Variants in ETFA observed in about 807,000 individuals in gnomAD.
ETFA encodes electron transfer flavoprotein subunit alpha, mitochondrial.
ETFA carries 22 observed loss-of-function variants against 46.2 expected under a neutral mutation model. The ratio of observed to expected loss-of-function variants is 0.48; its 90% CI spans 0.34 to 0.68. The LOEUF is 0.68. Ranked by LOEUF, ETFA falls within the 30% of genes least tolerant of loss-of-function variation. ETFA has a pLI of 0.01. For missense variants in ETFA, 345 were observed against 401.1 expected (o/e 0.86, Z 1.19); for synonymous variants, 131 against 139.9 (o/e 0.94, Z 0.45).
intron 4 of ETFA, among the ~76,000 whole-genome samples, chr15:76,291,839 CAGAG>C (rs1034796801): frequency 1.3e-5 from 2 of 152,066 alleles, no homozygotes; most frequent in African/African-American, 4.8e-5. Context: ...CCCACGGCCA[CAGAG>C]AGAGAGCAAG....
intron 9 of ETFA, chr15:76,261,445 T>C (rs997721004): frequency 5.5e-5 from 58 of 1,056,648 alleles, no homozygotes; most frequent in East Asian, 4.4e-4. Context: ...GAACCAGTTC[T>C]GGACCACAGA....
chr15:76,274,643 T>A (rs2039575320), intron 8 of ETFA, 149 bp from the exon 9 acceptor site: 1 of 713,584 alleles, frequency 1.4e-6, no homozygotes, highest in Non-Finnish European at 2.5e-6. Context: ...AACTTCTTTT[T>A]ATACCCAAGT....
rs557160401 is a variant in ETFA, at chr15:76,311,369, G to A, written c.20C>T (p.Pro7Leu). The change falls in exon 1 of 12, where the codon CCG becomes CTG. Residue 7 changes from proline (P) to leucine (L), a missense_variant. By Grantham distance (98) the Pro-to-Leu change is moderately conservative (BLOSUM62 -3). Transcript: ENST00000557943. ...ACTCACCGCCCGCCGGAGCTGCCCC[G>A]GAGCCGCCGCTCGGAACATGGTCTC... Reference protein sequence around the residue: MFRAAAPGQLRRAASLL... With the variant: MFRAAALGQLRRAASLL... The A allele has an allele frequency of 4.1e-4, 642 of 1,562,322 alleles. No individual in the cohort carries two copies. Among genetic ancestry groups the A allele is most frequent in the Non-Finnish European group, 5.3e-4 (612 of 1,154,142 alleles).
At chr15:76,225,244 A>G (rs1468848524) in intron 11 of ETFA, among the ~76,000 whole-genome samples, 1 of 152,136 alleles carries the variant, frequency 6.6e-6, no homozygotes, top group Non-Finnish European at 1.5e-5. Context: ...CACATTGTGC[A>G]TTAACTTAGC....
chr15:76,291,557 T>C (rs915134213), intron 4 of ETFA, among the ~76,000 whole-genome samples: 3 of 150,812 alleles, frequency 2.0e-5, no homozygotes, highest in East Asian at 3.9e-4. Context: ...AAGACCATCC[T>C]GGCTAACACA....
At chr15:76,239,828 A>G (rs867085164) in intron 9 of ETFA, among the ~76,000 whole-genome samples, 5 of 151,966 alleles carry the variant, frequency 3.3e-5, no homozygotes, top group Non-Finnish European at 7.4e-5. Context: ...AGCTAACATT[A>G]GCTTTTACTC....
chr15:76,226,342 T>C (rs2039004371), intron 10 of ETFA: 2 of 194,016 alleles, frequency 1.0e-5, no homozygotes, highest in South Asian at 1.8e-4. Context: ...CCCAGCACTT[T>C]GGGAGGCCAA....
intron 7 of ETFA, among the ~76,000 whole-genome samples, chr15:76,284,075 C>T (rs943616798): frequency 3.9e-5 from 6 of 152,152 alleles, no homozygotes; most frequent in African/African-American, 1.4e-4. Context: ...AATAAAAACT[C>T]TTTAATTTCA....
chr15:76,254,706 A>C (rs1356199068), intron 9 of ETFA, among the ~76,000 whole-genome samples: 2 of 151,962 alleles, frequency 1.3e-5, no homozygotes, highest in African/African-American at 4.8e-5. Flanking sequence ...AGAAACCATC[A>C]CTCTGATGGC....
At chr15:76,276,612 T>C (rs574964040) in intron 8 of ETFA, among the ~76,000 whole-genome samples, 1 of 152,108 alleles carries the variant, frequency 6.6e-6, no homozygotes, top group Non-Finnish European at 1.5e-5. Flanking sequence ...ATATTACAGT[T>C]CAGGTTTTTT....
At chr15:76,223,216 CTT>C (rs3065601) in intron 11 of ETFA, among the ~76,000 whole-genome samples, 46 of 121,988 alleles carry the variant, frequency 3.8e-4, no homozygotes, top group African/African-American at 6.0e-4. Flanking sequence ...TACTTCAGAA[CTT>C]TTTTTTTTTT....
intron 8 of ETFA, among the ~76,000 whole-genome samples, chr15:76,277,222 G>C (rs543201155): frequency 6.6e-6 from 1 of 152,276 alleles, no homozygotes; most frequent in Admixed American, 6.5e-5. Flanking sequence ...TAGAATGGCT[G>C]AAGTTGAGTA....
chr15:76,228,064 C>T (rs1277502025), intron 10 of ETFA: 2 of 434,446 alleles, frequency 4.6e-6, no homozygotes, highest in African/African-American at 2.0e-5. Flanking sequence ...TAACCTGCTT[C>T]ACGGCGATAA....
chr15:76,228,080 G>A (rs1367557655), intron 10 of ETFA: 3 of 414,458 alleles, frequency 7.2e-6, no homozygotes, highest in Non-Finnish European at 1.5e-5. Flanking sequence ...GATAAGCAGA[G>A]ATTTGTTTAG....
chr15:76,240,275 G>T (rs960887912), intron 9 of ETFA, among the ~76,000 whole-genome samples: 1 of 152,178 alleles, frequency 6.6e-6, no homozygotes, highest in African/African-American at 2.4e-5. Context: ...AGATTCCATG[G>T]CTCAGTAGAT....
chr15:76,238,989 G>A (rs1271069463), intron 9 of ETFA, among the ~76,000 whole-genome samples: 1 of 152,132 alleles, frequency 6.6e-6, no homozygotes, highest in African/African-American at 2.4e-5. Flanking sequence ...CCATCCATGA[G>A]ACAACACCCC....
chr15:76,236,196 G>A, intron 9 of ETFA, among the ~76,000 whole-genome samples: 1 of 152,182 alleles, frequency 6.6e-6, no homozygotes, highest in Non-Finnish European at 1.5e-5. Flanking sequence ...AAGCTAAGGG[G>A]AAAACTGTCC....
At chr15:76,252,265 T>C (rs1435703136) in intron 9 of ETFA, among the ~76,000 whole-genome samples, 1 of 152,034 alleles carries the variant, frequency 6.6e-6, no homozygotes, top group Admixed American at 6.6e-5. Context: ...AACTCCTGGG[T>C]TTCCTTCTAC....
chr15:76,231,457 G>A (rs2039065610), intron 9 of ETFA, 59 bp from the exon 10 acceptor site: 2 of 1,110,940 alleles, frequency 1.8e-6, no homozygotes, highest in South Asian at 3.1e-5. Flanking sequence ...ACTTTCCAAA[G>A]TGTTTGCTGT....
Sources: gnomAD v4.1 joint callset for allele counts (sites outside exome capture counted in the v4.1 genomes callset) on GRCh38, gnomAD v4.1.1 for gene constraint, MANE v1.5 for transcripts, NCBI Gene and HGNC (gene_info 2026-07-23, HGNC 2026-07-21) for gene names.